Variants in ZNF107 observed in about 807,000 individuals in gnomAD.
ZNF107 encodes C2H2 type zinc-finger protein.
In ZNF107, 19 loss-of-function variants were observed where a neutral mutation model predicts 12.3. That is an observed-to-expected ratio of 1.55 (90% CI 1.08 to 2.27). ZNF107 has a LOEUF of 2.27. Among genes scored for constraint, ZNF107 ranks in the 30% most tolerant of loss-of-function variants. ZNF107 has a pLI of 0.00. For synonymous variants in ZNF107, 317 were observed against 330.5 expected, an observed-to-expected ratio of 0.96 and a Z score of 0.44; for missense variants, 958 against 979.9, an observed-to-expected ratio of 0.98 and a Z score of 0.30.
At chr7:64,681,852 A>G (rs1789691469) in intron 1 of ZNF107, among the ~76,000 whole-genome samples, 1 of 151,984 alleles carries the variant, frequency 6.6e-6, no homozygotes, top group Non-Finnish European at 1.5e-5. Context: ...AAACCCATAT[A>G]CTCTCTTGTC....
chr7:64,670,430 G>T (rs938106817), intron 1 of ZNF107, among the ~76,000 whole-genome samples: 2 of 152,152 alleles, frequency 1.3e-5, no homozygotes, highest in Non-Finnish European at 2.9e-5. Flanking sequence ...GTTGTATGTT[G>T]GCTCAGACTG....
chr7:64,707,095 G>A lies in ZNF107; in HGVS notation c.998G>A (p.Arg333Lys). 2.5e-6 allele frequency: 4 copies of A among 1,612,400 alleles called. No homozygotes were observed. The highest frequency in any genetic ancestry group is 3.4e-6 in the Non-Finnish European group (4 of 1,179,430). The change falls in exon 4 of 4, where the codon AGA becomes AAA. Residue 333 changes from arginine (R) to lysine (K), a missense_variant. Coordinates refer to ENST00000620827, the MANE Select transcript of ZNF107 (RefSeq NM_001282359.2). ...NLFSNLTNHK[R>K]IHAGEKPYKC... ...TTCTCAAATCTTACTAACCATAAGA[G>A]AATTCATGCTGGGGAGAAACCCTAC...
chr7:64,677,360 C>T (rs944454123), intron 1 of ZNF107, among the ~76,000 whole-genome samples: 4 of 151,298 alleles, frequency 2.6e-5, no homozygotes, highest in Non-Finnish European at 5.9e-5. Context: ...TTAGTAGAGA[C>T]GGGGTTTTGC....
At position 64,691,917 on chromosome 7, in the gene ZNF107, G is replaced by A; in HGVS notation, c.183G>A (p.Glu61=). The A allele has an allele frequency of 6.5e-7, 1 of 1,535,910 alleles. No individual in the cohort carries two copies. Among genetic ancestry groups the A allele is most frequent in the East Asian group, 2.5e-5 (1 of 39,646 alleles). ...YLITCLEQKK[E]PWNIKRHEMV... Reference sequence around the variant, plus strand: ...TCACCTGTCTGGAGCAAAAAAAAGAGCCCTGGAATATAAAAAGACATGAGA... The same window carrying A: ...TCACCTGTCTGGAGCAAAAAAAAGAACCCTGGAATATAAAAAGACATGAGA... The change falls in exon 3 of 4, where the codon GAG becomes GAA. Residue 61 remains glutamate, a synonymous_variant. Coordinates refer to ENST00000620827, the MANE Select transcript of ZNF107 (RefSeq NM_001282359.2).
rs1454154871 is a variant in ZNF107, at chr7:64,708,390, G to A, written c.2293G>A (p.Glu765Lys). Reference sequence around the variant, plus strand: ...TGGAGAGAAACCCTATAAATGTGAAGAATGTGGCAAAGCTTTTAACCAATC... The same window carrying A: ...TGGAGAGAAACCCTATAAATGTGAAAAATGTGGCAAAGCTTTTAACCAATC... ...HTGEKPYKCEECGKAFNQSSN... is the reference protein window; with the variant it reads ...HTGEKPYKCEKCGKAFNQSSN... Residue 765 changes from glutamate to lysine, a missense_variant, in exon 4 of 4, where the codon GAA becomes AAA. Glu to Lys is a moderately conservative substitution (Grantham distance 56, BLOSUM62 1). Coordinates refer to ENST00000620827, the MANE Select transcript of ZNF107 (RefSeq NM_001282359.2). 1 of 1,612,610 alleles carries A rather than the reference G, an allele frequency of 6.2e-7. No individual in the cohort carries two copies. The highest frequency in any genetic ancestry group is 8.5e-7 in the Non-Finnish European group (1 of 1,179,582).
At chr7:64,697,124 A>G (rs943239537) in intron 3 of ZNF107, among the ~76,000 whole-genome samples, 1 of 152,162 alleles carries the variant, frequency 6.6e-6, no homozygotes, top group Admixed American at 6.5e-5. Flanking sequence ...AGCTTCATCC[A>G]TGTCCCTACA....
chr7:64,706,849 A>T lies in ZNF107; in HGVS notation c.752A>T (p.His251Leu), dbSNP rs745963477. The T allele has an allele frequency of 1.2e-5, 19 of 1,613,520 alleles. No individual in the cohort carries two copies. The Admixed American group carries it at 1.7e-4, about 14-fold the overall frequency. Reference protein sequence around the residue: ...SSQLTRHKIIHTEEKPNKCEE... With the variant: ...SSQLTRHKIILTEEKPNKCEE... ...CAACTTACTAGGCATAAGATAATTCATACTGAAGAGAAACCCAACAAATGT... is the reference window on the plus strand; with the variant it reads ...CAACTTACTAGGCATAAGATAATTCTTACTGAAGAGAAACCCAACAAATGT... Residue 251 changes from histidine (H) to leucine (L), a missense_variant, in exon 4 of 4, where the codon CAT (histidine) becomes CTT (leucine). Transcript: ENST00000620827.
rs150401197 is a variant in ZNF107 at position 64,707,499 on chromosome 7, C to T, written c.1402C>T (p.Leu468=). The change falls in exon 4 of 4, where the codon CTA becomes TTA. Residue 468 remains leucine, a synonymous_variant. Transcript: ENST00000620827. Reference sequence around the variant, plus strand: ...CAAAGCTTTTAACCAACACTCAAACCTAATTAACCATAGGAAAATTTATTC... The same window carrying T: ...CAAAGCTTTTAACCAACACTCAAACTTAATTAACCATAGGAAAATTTATTC... ...CGKAFNQHSN[L]INHRKIYSGE... is the part of the protein sequence containing the mutation. The T allele has an allele frequency of 4.7e-4, 753 of 1,613,330 alleles. 5 individuals carry two copies. The African/African-American group carries it at 9.1e-3, about 19-fold the overall frequency.
rs1272474474 is a variant in ZNF107 at position 64,704,257 on chromosome 7, A to AT, written c.227-2059dup. On this transcript the variant is annotated intron_variant, in intron 3 of 3. Coordinates refer to ENST00000620827, the MANE Select transcript of ZNF107 (RefSeq NM_001282359.2). Reference sequence around the variant, plus strand: ...ATCTTTCCCAGAAAGTTATTTATTTATTTTTTTTAGATGGAGTCTCACTCT... The same window carrying AT: ...ATCTTTCCCAGAAAGTTATTTATTTATTTTTTTTTAGATGGAGTCTCACTCT... Among the ~76,000 whole-genome samples the AT allele has an allele frequency of 5.9e-5, 9 of 151,782 alleles. No individual in the cohort carries two copies. In the East Asian group the frequency reaches 9.7e-4, roughly 16 times the overall value.
At chr7:64,703,205 A>C (rs1790532823) in intron 3 of ZNF107, among the ~76,000 whole-genome samples, 1 of 152,232 alleles carries the variant, frequency 6.6e-6, no homozygotes, top group Non-Finnish European at 1.5e-5. Context: ...GACAATATTT[A>C]ACTCTGCAAT....
intron 1 of ZNF107, among the ~76,000 whole-genome samples, chr7:64,685,437 T>C (rs1388496636): frequency 6.6e-6 from 1 of 152,172 alleles, no homozygotes; most frequent in Non-Finnish European, 1.5e-5. Context: ...CCGGGTTTTG[T>C]AATGGCAGGC....
At chr7:64,705,220 A>G (rs1374483642) in intron 3 of ZNF107, among the ~76,000 whole-genome samples, 1 of 151,936 alleles carries the variant, frequency 6.6e-6, no homozygotes, top group Non-Finnish European at 1.5e-5. Context: ...TTGCTTATAT[A>G]TGTTTTATAA....
intron 1 of ZNF107, among the ~76,000 whole-genome samples, chr7:64,667,054 G>A (rs955373750): frequency 9.2e-5 from 14 of 152,004 alleles, no homozygotes; most frequent in African/African-American, 3.4e-4. Context: ...AAAAACCCTG[G>A]GACTAGAGCC....
intron 1 of ZNF107, among the ~76,000 whole-genome samples, chr7:64,673,091 T>A (rs1789293880): frequency 6.6e-6 from 1 of 152,226 alleles, no homozygotes; most frequent in Non-Finnish European, 1.5e-5. Context: ...TTGCCCAGGC[T>A]GGAGTGCAGT....
At chr7:64,691,188 T>A (rs1026233674) in intron 1 of ZNF107, 60 bp from the exon 2 acceptor site, 208 of 1,330,962 alleles carry the variant, frequency 1.6e-4, no homozygotes, top group Middle Eastern at 2.1e-4. Flanking sequence ...TACATTTTTT[T>A]AAAAATTCAA....
chr7:64,682,653 C>T (rs1050383059), intron 1 of ZNF107, among the ~76,000 whole-genome samples: 19 of 152,266 alleles, frequency 1.2e-4, no homozygotes, highest in African/African-American at 4.1e-4. Flanking sequence ...AGGCTGGCTG[C>T]CCTGTTTACA....
At chr7:64,689,576 A>G (rs1258108521) in intron 1 of ZNF107, 1 of 152,456 alleles carries the variant, frequency 6.6e-6, no homozygotes, top group Non-Finnish European at 1.5e-5. Context: ...GGACTAGAGT[A>G]TTTTTTCTTT....
intron 3 of ZNF107, among the ~76,000 whole-genome samples, chr7:64,702,560 T>C (rs1199609336): frequency 2.0e-5 from 3 of 152,162 alleles, no homozygotes; most frequent in African/African-American, 7.2e-5. Flanking sequence ...TCATTTTTCA[T>C]GTACTTTTTT....
chr7:64,711,523 A>G lies in ZNF107; in HGVS notation c.*2867A>G, dbSNP rs1407482439. ...TTTATGGTTATAATAAAAATTATAT[A>G]CAAGTATAAATAAACCATGAGAAAA... On this transcript the variant is annotated 3_prime_UTR_variant, in exon 4 of 4. Coordinates refer to ENST00000620827, the MANE Select transcript of ZNF107 (RefSeq NM_001282359.2). 1.3e-5 allele frequency: 2 copies of G among 151,922 alleles called. No individual in the cohort carries two copies. Among genetic ancestry groups the G allele is most frequent in the African/African-American group, 2.4e-5 (1 of 41,396 alleles). The allele number at this position is 151,922 out of a possible 1,614,324, so 9.4% of individuals were successfully genotyped here. A position where few individuals can be genotyped will look rare whatever the true frequency, so the allele number is the denominator to read the frequency against.
Sources: gnomAD v4.1 joint callset for allele counts (sites outside exome capture counted in the v4.1 genomes callset) on GRCh38, gnomAD v4.1.1 for gene constraint, MANE v1.5 for transcripts, NCBI Gene and HGNC (gene_info 2026-07-23, HGNC 2026-07-21) for gene names.